Variants in ATL1 observed in about 807,000 individuals in gnomAD.
ATL1 encodes the protein atlastin GTPase 1, also known as atlastin-1.
Under a neutral mutation model 75.5 loss-of-function variants are expected in ATL1, and 31 were observed. That is an observed-to-expected ratio of 0.41 (90% CI 0.31 to 0.55). The LOEUF is 0.55. Ranked by LOEUF, ATL1 falls within the 20% of genes least tolerant of loss-of-function variation. The pLI is 0.27. For synonymous variants in ATL1, 226 were observed against 233.3 expected (o/e 0.97, Z 0.28); for missense variants, 405 against 662.6 (o/e 0.61, Z 4.27).
In ATL1 at chr14:50,579,383, A is replaced by C. The variant is rs2039035921; in HGVS notation, c.35-8448A>C. 2.0e-5 allele frequency among the ~76,000 whole-genome samples: 3 copies of C among 152,142 alleles called. No individual in the cohort carries two copies. In the South Asian group the frequency reaches 6.2e-4, roughly 31 times the overall value. On this transcript the variant is annotated intron_variant, in intron 1 of 13. Transcript: ENST00000358385. ...TTTCACTCTGTCTTCATTACCATAG[A>C]TTTTAATTATCTATTGGTGTCTGTT...
At chr14:50,624,840 C>G (rs1025198492) in intron 11 of ATL1, among the ~76,000 whole-genome samples, 2 of 151,948 alleles carry the variant, frequency 1.3e-5, no homozygotes, top group African/African-American at 2.4e-5. Flanking sequence ...GAGGCTGAGG[C>G]AGGTGGATCA....
intron 11 of ATL1, among the ~76,000 whole-genome samples, chr14:50,623,574 T>G (rs561963366): frequency 6.6e-6 from 1 of 151,874 alleles, no homozygotes; most frequent in Non-Finnish European, 1.5e-5. Flanking sequence ...TACACCTCCT[T>G]ATATTCCACA....
At chr14:50,626,514 G>C (rs1258531363) in intron 11 of ATL1, among the ~76,000 whole-genome samples, 2 of 152,194 alleles carry the variant, frequency 1.3e-5, no homozygotes, top group East Asian at 3.8e-4. Flanking sequence ...TAACGGATAA[G>C]GAGTTGCTTC....
chr14:50,560,407 AC>A lies in ATL1; in HGVS notation c.34+109del, dbSNP rs200164458. ...CAAGGGCTGCTAGGTGCCTGCGTCC[AC>A]GGCTGGGAGACGGGCCGTAGCCGAG... is the stretch of plus-strand genomic sequence containing the variant. On this transcript the variant is annotated intron_variant, in intron 1 of 13. Transcript: ENST00000358385. The A allele has an allele frequency of 7.4e-4, 1,060 of 1,429,078 alleles. 6 individuals are homozygous for A. The African/African-American group carries it at 0.013, about 17-fold the overall frequency. The allele number at this position is 1,429,078 out of a possible 1,614,324, so 88.5% of individuals were successfully genotyped here.
intron 1 of ATL1, among the ~76,000 whole-genome samples, chr14:50,580,505 G>GT (rs761535473): frequency 1.3e-5 from 2 of 151,958 alleles, no homozygotes; most frequent in African/African-American, 4.8e-5. Flanking sequence ...ATGCAATGTG[G>GT]TGAATTATGT....
At chr14:50,573,070 G>A (rs1411549980) in intron 1 of ATL1, among the ~76,000 whole-genome samples, 1 of 152,124 alleles carries the variant, frequency 6.6e-6, no homozygotes, top group Non-Finnish European at 1.5e-5. Context: ...CATGAGAACA[G>A]CATGGGGGAA....
intron 1 of ATL1, chr14:50,560,548 C>T: frequency 3.6e-6 from 2 of 548,390 alleles, no homozygotes; most frequent in Non-Finnish European, 3.3e-6. Flanking sequence ...TCCTTCTTCC[C>T]CACCCCCCTC....
At chr14:50,585,883 G>A (rs965700927) in intron 1 of ATL1, among the ~76,000 whole-genome samples, 1 of 152,132 alleles carries the variant, frequency 6.6e-6, no homozygotes, top group East Asian at 1.9e-4. Context: ...ACTCTGATTC[G>A]TGGCTATAGG....
At chr14:50,575,667 G>A (rs1054680591) in intron 1 of ATL1, among the ~76,000 whole-genome samples, 9 of 152,154 alleles carry the variant, frequency 5.9e-5, no homozygotes, top group Non-Finnish European at 8.8e-5. Context: ...CCAAGAGATA[G>A]TTTCCTTGGT....
At chr14:50,586,428 G>C (rs1321828279) in intron 1 of ATL1, among the ~76,000 whole-genome samples, 1 of 152,022 alleles carries the variant, frequency 6.6e-6, no homozygotes, top group African/African-American at 2.4e-5. Flanking sequence ...AAGGGGCTCT[G>C]GTTCCTTAAT....
At chr14:50,562,951 G>A (rs2038865688) in intron 1 of ATL1, among the ~76,000 whole-genome samples, 1 of 152,130 alleles carries the variant, frequency 6.6e-6, no homozygotes, top group African/African-American at 2.4e-5. Flanking sequence ...AGCCAACATC[G>A]TTAAGCTAAT....
chr14:50,588,148 G>T (rs2039120819), intron 2 of ATL1, 70 bp downstream of exon 2: 1 of 1,591,980 alleles, frequency 6.3e-7, no homozygotes, highest in Non-Finnish European at 8.6e-7. Context: ...TTATTTCATG[G>T]TGTTCAAAAT....
intron 8 of ATL1, among the ~76,000 whole-genome samples, chr14:50,614,895 T>C (rs1201202812): frequency 6.6e-6 from 1 of 152,224 alleles, no homozygotes; most frequent in African/African-American, 2.4e-5. Context: ...AATTAGAGAT[T>C]GAAAGAAATG....
At chr14:50,597,909 A>G (rs950336850) in intron 6 of ATL1, among the ~76,000 whole-genome samples, 1 of 152,050 alleles carries the variant, frequency 6.6e-6, no homozygotes, top group African/African-American at 2.4e-5. Flanking sequence ...GTTAACCAGG[A>G]TGGTCTTGAT....
At chr14:50,572,133 TTGC>T in intron 1 of ATL1, 1 of 422,514 alleles carries the variant, frequency 2.4e-6, no homozygotes, top group South Asian at 1.9e-5. Context: ...AGGGTGAGCT[TTGC>T]TCATGGTGTC....
At chr14:50,539,119 T>C (rs1178424794) in intron 1 of ATL1, among the ~76,000 whole-genome samples, 1 of 152,222 alleles carries the variant, frequency 6.6e-6, no homozygotes, top group Non-Finnish European at 1.5e-5. Flanking sequence ...TAGGATGATA[T>C]CACTCACATA....
chr14:50,600,460 T>A (rs2039261794), intron 6 of ATL1, among the ~76,000 whole-genome samples: 1 of 152,140 alleles, frequency 6.6e-6, no homozygotes, highest in Non-Finnish European at 1.5e-5. Context: ...GTAGTAAAGG[T>A]GGCATCCAAA....
intron 1 of ATL1, among the ~76,000 whole-genome samples, chr14:50,578,807 A>G (rs1343499771): frequency 6.6e-6 from 1 of 152,214 alleles, no homozygotes; most frequent in Admixed American, 6.5e-5. Flanking sequence ...GTATATCTGC[A>G]AATGAATTCT....
At chr14:50,546,540 C>T (rs2081178389) in intron 1 of ATL1, among the ~76,000 whole-genome samples, 1 of 152,140 alleles carries the variant, frequency 6.6e-6, no homozygotes. Flanking sequence ...ATTTAGTAAT[C>T]TTTAATAAAC....
Sources: gnomAD v4.1 joint callset for allele counts (sites outside exome capture counted in the v4.1 genomes callset) on GRCh38, gnomAD v4.1.1 for gene constraint, MANE v1.5 for transcripts, NCBI Gene and HGNC (gene_info 2026-07-23, HGNC 2026-07-21) for gene names.